Variants in PDE1C observed in about 807,000 individuals in gnomAD.
PDE1C encodes dual specificity calcium/calmodulin-dependent 3',5'-cyclic nucleotide phosphodiesterase 1C.
Under a neutral mutation model 93.1 loss-of-function variants are expected in PDE1C, and 62 were observed. The observed-to-expected ratio is 0.67, with a 90% CI of 0.54 to 0.82. PDE1C has a LOEUF of 0.82. Ranked by LOEUF, PDE1C falls within the 40% of genes least tolerant of loss-of-function variation. The pLI is 0.00. For synonymous variants in PDE1C, 325 were observed against 310.1 expected, an observed-to-expected ratio of 1.05 and a Z score of -0.50; for missense variants, 742 against 884.6, an observed-to-expected ratio of 0.84 and a Z score of 2.04.
chr7:31,842,115 C>T (rs61082241), intron 9 of PDE1C, among the ~76,000 whole-genome samples: 21,534 of 152,096 alleles, frequency 0.14, 1,927 homozygotes, highest in African/African-American at 0.24. Context: ...AATATCAGCA[C>T]ACACTGAGGC....
At chr7:32,394,820 A>G (rs945205520) in intron 1 of PDE1C, among the ~76,000 whole-genome samples, 1 of 152,142 alleles carries the variant, frequency 6.6e-6, no homozygotes, top group Non-Finnish European at 1.5e-5. Flanking sequence ...TCTGAAAAAA[A>G]TATCTAAATA....
At chr7:32,138,468 T>G (rs183169155) in intron 3 of PDE1C, among the ~76,000 whole-genome samples, 17 of 152,264 alleles carry the variant, frequency 1.1e-4, no homozygotes, top group Non-Finnish European at 2.2e-4. Flanking sequence ...CCCAAGACAC[T>G]GACAAGCTGT....
intron 3 of PDE1C, among the ~76,000 whole-genome samples, chr7:32,121,312 A>G (rs1799285859): frequency 6.6e-6 from 1 of 152,206 alleles, no homozygotes; most frequent in African/African-American, 2.4e-5. Flanking sequence ...ACACTTTAGG[A>G]TATTATCCAG....
At chr7:31,889,905 A>C (rs2128896725) in intron 2 of PDE1C, among the ~76,000 whole-genome samples, 1 of 152,326 alleles carries the variant, frequency 6.6e-6, no homozygotes, top group South Asian at 2.1e-4. Flanking sequence ...TGGCCTTATA[A>C]ATAAGTGTTT....
chr7:31,837,789 C>T lies in PDE1C; in HGVS notation c.1082+81G>A, dbSNP rs1472486967. 4 of 846,990 alleles carry T rather than the reference C, an allele frequency of 4.7e-6. No individual in the cohort carries two copies. In the East Asian group the frequency reaches 7.3e-5, roughly 15 times the overall value. 52.5% of individuals were successfully genotyped at this position (846,990 alleles called of 1,614,324 possible). On this transcript the variant is annotated intron_variant, in intron 10 of 17. Transcript: ENST00000396191. ...CTATAAAGTTGTGTTAAAGGAGATG[C>T]TCTTTAAAGGGATAGCCACATAGAC...
the PDE1C span, among the ~76,000 whole-genome samples, chr7:31,719,622 C>A: frequency 6.6e-6 from 1 of 152,186 alleles, no homozygotes; most frequent in East Asian, 1.9e-4. Context: ...CCACACGATT[C>A]TCTCCCCATC....
rs529794043 is a variant in PDE1C, at chr7:31,965,837, A to G, written c.129-84977T>C. Among the ~76,000 whole-genome samples, 104 of 152,238 alleles carry G rather than the reference A, an allele frequency of 6.8e-4. 1 individual carries two copies. Among genetic ancestry groups the G allele is most frequent in the Admixed American group, 1.8e-3 (28 of 15,286 alleles). ...TTAAAGAAAATAATTTCCAACCCAG[A>G]ATTTCATATCCAGCCAAACTAAGCT... On this transcript the variant is annotated intron_variant, in intron 2 of 17. Coordinates refer to ENST00000396191, the MANE Select transcript of PDE1C (RefSeq NM_001191057.4).
intron 1 of PDE1C, among the ~76,000 whole-genome samples, chr7:32,389,190 G>GTGTGTGTGTGTGT (rs3079660): frequency 1.4e-4 from 18 of 127,918 alleles, no homozygotes; most frequent in African/African-American, 3.1e-4. Context: ...GTGTGTGTGT[G>GTGTGTGTGTGTGT]GTTTTTTTGG....
At chr7:31,652,992 C>CTAATACTCA in the PDE1C span, 1 of 1,434,316 alleles carries the variant, frequency 7.0e-7, no homozygotes, top group South Asian at 1.5e-5. Flanking sequence ...TTAGAATACT[C>CTAATACTCA]TAATACTCAT....
At chr7:32,032,292 A>T (rs1790440697) in intron 2 of PDE1C, among the ~76,000 whole-genome samples, 1 of 152,108 alleles carries the variant, frequency 6.6e-6, no homozygotes, top group Admixed American at 6.5e-5. Context: ...GAGGAAAACA[A>T]ACCTACTTGC....
chr7:31,688,903 T>C, the PDE1C span, among the ~76,000 whole-genome samples: 1 of 152,176 alleles, frequency 6.6e-6, no homozygotes, highest in African/African-American at 2.4e-5. Flanking sequence ...ATCTGAAACA[T>C]TTTGAAAACC....
chr7:32,311,212 G>A (rs1202380139), intron 1 of PDE1C, among the ~76,000 whole-genome samples: 2 of 152,148 alleles, frequency 1.3e-5, no homozygotes, highest in Non-Finnish European at 2.9e-5. Context: ...GGAAGAAGTT[G>A]AATCTCTGAA....
intron 2 of PDE1C, among the ~76,000 whole-genome samples, chr7:32,032,626 T>A (rs1162688450): frequency 1.3e-5 from 2 of 152,124 alleles, no homozygotes; most frequent in Non-Finnish European, 2.9e-5. Context: ...CTGCTTCTAT[T>A]ATTATAGATA....
At chr7:32,075,159 G>A (rs546945020), upstream of PDE1C, among the ~76,000 whole-genome samples, 9 of 152,306 alleles carry the variant, frequency 5.9e-5, no homozygotes, top group African/African-American at 1.7e-4. Flanking sequence ...AAGCTCCTCC[G>A]CTTACAAACA....
intron 1 of PDE1C, among the ~76,000 whole-genome samples, chr7:32,267,717 A>C (rs2128884214): frequency 6.6e-6 from 1 of 152,052 alleles, no homozygotes; most frequent in African/African-American, 2.4e-5. Flanking sequence ...GGAACATCAC[A>C]ATGAGATGAA....
intron 1 of PDE1C, among the ~76,000 whole-genome samples, chr7:32,338,782 T>G (rs1425931483): frequency 3.3e-5 from 5 of 152,220 alleles, no homozygotes; most frequent in African/African-American, 1.2e-4. Flanking sequence ...GGTGGGCGGA[T>G]CACGAGGTCA....
intron 1 of PDE1C, among the ~76,000 whole-genome samples, chr7:32,309,069 T>C: frequency 8.0e-6 from 1 of 124,776 alleles, no homozygotes; most frequent in East Asian, 2.4e-4. Flanking sequence ...CTGATGGAGC[T>C]GAAAGCCAAG....
At chr7:31,990,532 A>G (rs1419446421) in intron 2 of PDE1C, among the ~76,000 whole-genome samples, 4 of 152,200 alleles carry the variant, frequency 2.6e-5, no homozygotes, top group Non-Finnish European at 5.9e-5. Flanking sequence ...TTCCCAGAAG[A>G]AGGATGGCTA....
chr7:31,981,272 G>T (rs924321811), intron 2 of PDE1C, among the ~76,000 whole-genome samples: 5 of 152,090 alleles, frequency 3.3e-5, no homozygotes, highest in Non-Finnish European at 5.9e-5. Flanking sequence ...GCATAGAAAA[G>T]AATTTTTAAA....
Sources: allele counts gnomAD v4.1 joint callset (sites outside exome capture counted in the v4.1 genomes callset), GRCh38; gene constraint gnomAD v4.1.1; transcripts MANE v1.5; gene names NCBI Gene and HGNC (gene_info 2026-07-23, HGNC 2026-07-21).